Variants in NTRK2 observed in about 807,000 individuals in gnomAD.
The protein encoded by NTRK2 is BDNF/NT-3 growth factors receptor.
NTRK2 carries 13 observed loss-of-function variants against 94.5 expected under a neutral mutation model. The ratio of observed to expected loss-of-function variants is 0.14; its 90% CI spans 0.09 to 0.22. NTRK2 has a LOEUF of 0.22. Among genes scored for constraint, NTRK2 ranks in the 10% least tolerant of loss-of-function variants. The pLI, the probability that NTRK2 is intolerant of heterozygous loss-of-function variation, is 1.00. For missense variants in NTRK2, 639 were observed against 1,071.2 expected (o/e 0.60, Z 5.63); for synonymous variants, 372 against 407.4 (o/e 0.91, Z 1.05).
At chr9:84,888,983 T>G (rs1285264584) in intron 14 of NTRK2, among the ~76,000 whole-genome samples, 1 of 20,460 alleles carries the variant, frequency 4.9e-5, no homozygotes, top group East Asian at 7.8e-4. Context: ...ATGACAGAAA[T>G]TTTTTTTTTT....
chr9:84,807,678 T>G (rs1215686737), intron 12 of NTRK2, among the ~76,000 whole-genome samples: 1 of 152,224 alleles, frequency 6.6e-6, no homozygotes, highest in Non-Finnish European at 1.5e-5. Context: ...GTCTAAAAAC[T>G]TTCCCCCTCA....
At chr9:84,798,685 A>C (rs956884412) in intron 12 of NTRK2, among the ~76,000 whole-genome samples, 3 of 152,170 alleles carry the variant, frequency 2.0e-5, no homozygotes, top group African/African-American at 7.2e-5. Context: ...CTTATCTGAC[A>C]CAGATGATTA....
intron 12 of NTRK2, among the ~76,000 whole-genome samples, chr9:84,843,679 C>T (rs2074310946): frequency 6.6e-6 from 1 of 152,208 alleles, no homozygotes; most frequent in African/African-American, 2.4e-5. Flanking sequence ...CGCCTCAGCC[C>T]TGTGCAGACC....
In NTRK2 at chr9:84,670,587, C is replaced by T. The variant is rs1377438752; in HGVS notation, c.-162C>T. 5.4e-6 allele frequency: 4 copies of T among 734,938 alleles called. No homozygotes were observed. The highest frequency in any genetic ancestry group is 9.4e-6 in the Non-Finnish European group (4 of 426,364). The allele number at this position is 734,938 out of a possible 1,614,324, so 45.5% of individuals were successfully genotyped here. On this transcript the variant is annotated 5_prime_UTR_variant, in exon 2 of 19. Coordinates refer to ENST00000277120, the MANE Select transcript of NTRK2 (RefSeq NM_006180.6). ...GCCGCCTGCCGGAACACTCTTCGCT[C>T]CGGACCAGCTCAGCCTCTGATAAGC...
At chr9:84,775,583 G>C (rs181108597) in intron 12 of NTRK2, among the ~76,000 whole-genome samples, 3 of 151,986 alleles carry the variant, frequency 2.0e-5, no homozygotes, top group African/African-American at 7.3e-5. Flanking sequence ...ATATAATTTG[G>C]AATCAAGACA....
intron 9 of NTRK2, among the ~76,000 whole-genome samples, chr9:84,732,261 G>A (rs2062944353): frequency 6.6e-6 from 1 of 152,088 alleles, no homozygotes; most frequent in Admixed American, 6.5e-5. Flanking sequence ...ATCTTCCCTG[G>A]TTCCCAGAAC....
At chr9:84,905,825 A>C (rs899471898) in intron 14 of NTRK2, among the ~76,000 whole-genome samples, 1 of 152,188 alleles carries the variant, frequency 6.6e-6, no homozygotes, top group African/African-American at 2.4e-5. Flanking sequence ...GAATGAAGAT[A>C]GACATGGGGA....
At chr9:84,708,942 T>A (rs1459872967) in intron 5 of NTRK2, among the ~76,000 whole-genome samples, 1 of 152,220 alleles carries the variant, frequency 6.6e-6, no homozygotes, top group Non-Finnish European at 1.5e-5. Context: ...AAGTACTTGG[T>A]GTAAAAATTT....
intron 2 of NTRK2, among the ~76,000 whole-genome samples, chr9:84,691,606 C>T (rs1436655116): frequency 2.0e-5 from 3 of 152,168 alleles, no homozygotes; most frequent in Admixed American, 2.0e-4. Context: ...GCAGCCTGGT[C>T]TGTGTGCTTG....
intron 14 of NTRK2, among the ~76,000 whole-genome samples, chr9:84,926,100 C>T (rs1564470542): frequency 2.0e-5 from 3 of 148,632 alleles, no homozygotes; most frequent in African/African-American, 7.7e-5. Context: ...TTCCTTCCTT[C>T]CTTCCTTTCC....
At chr9:84,980,081 CCT>C (rs1160862602) in intron 17 of NTRK2, among the ~76,000 whole-genome samples, 1 of 152,070 alleles carries the variant, frequency 6.6e-6, no homozygotes, top group Non-Finnish European at 1.5e-5. Flanking sequence ...TGGAACGGAC[CCT>C]GCAATATCTC....
chr9:84,719,575 G>A (rs2061926189), intron 6 of NTRK2, among the ~76,000 whole-genome samples: 1 of 152,012 alleles, frequency 6.6e-6, no homozygotes, highest in Non-Finnish European at 1.5e-5. Context: ...CATCCCATGG[G>A]TTTGTACTTG....
chr9:84,780,192 A>G (rs1357177712), intron 12 of NTRK2, among the ~76,000 whole-genome samples: 1 of 152,136 alleles, frequency 6.6e-6, no homozygotes, highest in African/African-American at 2.4e-5. Context: ...CATACTATGA[A>G]CCCCAGGCTC....
At chr9:85,004,922 C>A (rs1406780078) in intron 17 of NTRK2, among the ~76,000 whole-genome samples, 2 of 152,172 alleles carry the variant, frequency 1.3e-5, no homozygotes, top group Non-Finnish European at 2.9e-5. Context: ...AGACCATTTG[C>A]ATAAATCCTA....
chr9:84,752,787 A>G (rs778490718), intron 12 of NTRK2, among the ~76,000 whole-genome samples: 5 of 152,182 alleles, frequency 3.3e-5, no homozygotes, highest in Non-Finnish European at 7.4e-5. Context: ...ATTTAAAACC[A>G]TTTGCTCTGA....
At chr9:84,739,165 C>T (rs2063459908) in intron 9 of NTRK2, among the ~76,000 whole-genome samples, 2 of 152,218 alleles carry the variant, frequency 1.3e-5, no homozygotes, top group South Asian at 4.1e-4. Flanking sequence ...ATTCTCGTGC[C>T]TCAGCCTCCA....
At chr9:84,686,259 C>T (rs2059706590) in intron 2 of NTRK2, among the ~76,000 whole-genome samples, 1 of 152,144 alleles carries the variant, frequency 6.6e-6, no homozygotes, top group East Asian at 1.9e-4. Flanking sequence ...CTTGATGAGG[C>T]AGGCTGATTA....
chr9:84,788,728 A>G (rs2068398486), intron 12 of NTRK2, among the ~76,000 whole-genome samples: 1 of 151,492 alleles, frequency 6.6e-6, no homozygotes, highest in South Asian at 2.1e-4. Context: ...TGGGTGGGGG[A>G]ATTCGAGAGG....
rs79766808 is a variant in NTRK2, at chr9:84,899,621, G to A, written c.1633+32190G>A. ...TATAGGTCAAGAATTGGAACCAGCT[G>A]AGCTTAGAGAATAGCACGTCATACG... On this transcript the variant is annotated intron_variant, in intron 14 of 18. Coordinates refer to ENST00000277120, the MANE Select transcript of NTRK2 (RefSeq NM_006180.6). Among the ~76,000 whole-genome samples, 553 of 152,296 alleles carry A rather than the reference G, an allele frequency of 3.6e-3. 17 individuals carry two copies. In the East Asian group the frequency reaches 0.059, roughly 16 times the overall value.
Sources: allele counts gnomAD v4.1 joint callset (sites outside exome capture counted in the v4.1 genomes callset), GRCh38; gene constraint gnomAD v4.1.1; transcripts MANE v1.5; gene names NCBI Gene and HGNC (gene_info 2026-07-23, HGNC 2026-07-21).